TMEFF2: variants seen among roughly 807,000 people sequenced by gnomAD.
TMEFF2 encodes tomoregulin-2.
In TMEFF2, 28 loss-of-function variants were observed where a neutral mutation model predicts 53.8. That is an observed-to-expected ratio of 0.52 (90% CI 0.39 to 0.71). The LOEUF is 0.71. Ranked by LOEUF, TMEFF2 falls within the 30% of genes least tolerant of loss-of-function variation. The pLI is 0.00. For synonymous variants in TMEFF2, 162 were observed against 166.3 expected (o/e 0.97, Z 0.20); for missense variants, 353 against 455.2 (o/e 0.78, Z 2.04).
chr2:192,036,952 T>A (rs545082331), intron 5 of TMEFF2: 28 of 152,314 alleles, frequency 1.8e-4, no homozygotes, highest in African/African-American at 6.3e-4. Context: ...AAGGATGTCG[T>A]CTGCTTGCTT....
chr2:192,174,307 T>C (rs954003416), intron 4 of TMEFF2, among the ~76,000 whole-genome samples: 3 of 151,800 alleles, frequency 2.0e-5, no homozygotes, highest in African/African-American at 7.2e-5. Flanking sequence ...AAAAAAGTTA[T>C]TTTTATTTGT....
chr2:192,134,242 T>C lies in TMEFF2; in HGVS notation c.439+45426A>G, dbSNP rs551705777. ...TCTTCGTTAAGTCCCACAATTACCA[T>C]TGTTCCTGGCCCGGACTTCAATACA... On this transcript the variant is annotated intron_variant, in intron 4 of 9. Coordinates refer to ENST00000272771, the MANE Select transcript of TMEFF2 (RefSeq NM_016192.4). 3.9e-5 allele frequency among the ~76,000 whole-genome samples: 6 copies of C among 152,324 alleles called. No homozygotes were observed. The South Asian group carries it at 1.0e-3, about 26-fold the overall frequency.
At chr2:191,982,709 AT>A (rs1421049873) in intron 7 of TMEFF2, among the ~76,000 whole-genome samples, 9 of 152,082 alleles carry the variant, frequency 5.9e-5, no homozygotes, top group Non-Finnish European at 1.3e-4. Flanking sequence ...GCTACATCAT[AT>A]TTTTCTATCA....
chr2:192,065,599 GT>G (rs1192049733), intron 4 of TMEFF2, among the ~76,000 whole-genome samples: 1 of 151,380 alleles, frequency 6.6e-6, no homozygotes, highest in South Asian at 2.1e-4. Flanking sequence ...AGTGGTCTGT[GT>G]TTTTTTCTTA....
intron 4 of TMEFF2, among the ~76,000 whole-genome samples, chr2:192,111,594 A>C (rs1350699206): frequency 6.6e-6 from 1 of 152,232 alleles, no homozygotes; most frequent in Non-Finnish European, 1.5e-5. Flanking sequence ...GAAGAAAGAA[A>C]AACCCATTTT....
At chr2:192,080,532 G>C (rs536751598) in intron 4 of TMEFF2, among the ~76,000 whole-genome samples, 1 of 152,284 alleles carries the variant, frequency 6.6e-6, no homozygotes, top group African/African-American at 2.4e-5. Flanking sequence ...GTCTCAGGCA[G>C]TTCTTTATAG....
At chr2:192,138,475 G>A (rs1328524593) in intron 4 of TMEFF2, among the ~76,000 whole-genome samples, 4 of 152,156 alleles carry the variant, frequency 2.6e-5, no homozygotes, top group Non-Finnish European at 5.9e-5. Context: ...CACCTCCAAA[G>A]CTTCTCACCC....
At chr2:192,081,800 C>CT (rs900552541) in intron 4 of TMEFF2, among the ~76,000 whole-genome samples, 3,434 of 130,294 alleles carry the variant, frequency 0.026, 56 homozygotes, top group Middle Eastern at 0.036. Context: ...AACGATTTCC[C>CT]TTTTTTTTTT....
intron 1 of TMEFF2, among the ~76,000 whole-genome samples, chr2:192,193,781 G>T (rs984987470): frequency 1.2e-4 from 18 of 149,202 alleles, no homozygotes; most frequent in African/African-American, 4.2e-4. Flanking sequence ...GAGAGAGAGA[G>T]AGAGAGAGAG....
chr2:192,089,477 G>A (rs1225488064), intron 4 of TMEFF2, among the ~76,000 whole-genome samples: 1 of 151,912 alleles, frequency 6.6e-6, no homozygotes, highest in Non-Finnish European at 1.5e-5. Context: ...CTTTTTGAGT[G>A]GGTCTTAAAG....
intron 5 of TMEFF2, among the ~76,000 whole-genome samples, chr2:192,048,785 A>C (rs1356809615): frequency 6.6e-6 from 1 of 152,216 alleles, no homozygotes; most frequent in Non-Finnish European, 1.5e-5. Flanking sequence ...CAGGGTTGCC[A>C]CTGCCACTGC....
chr2:191,964,305 T>G (rs1427441776), intron 7 of TMEFF2, among the ~76,000 whole-genome samples: 1 of 148,382 alleles, frequency 6.7e-6, no homozygotes, highest in East Asian at 1.9e-4. Flanking sequence ...CCTTCTTTCC[T>G]TCTTTCTTTC....
chr2:192,116,439 T>A (rs1353405882), intron 4 of TMEFF2, among the ~76,000 whole-genome samples: 1 of 151,896 alleles, frequency 6.6e-6, no homozygotes, highest in East Asian at 1.9e-4. Context: ...AATAATGTAT[T>A]GTATACGTGA....
At chr2:192,006,488 G>C (rs924655460) in intron 5 of TMEFF2, among the ~76,000 whole-genome samples, 3 of 152,156 alleles carry the variant, frequency 2.0e-5, no homozygotes, top group African/African-American at 7.2e-5. Flanking sequence ...GACAGATGGA[G>C]AATGTGACTA....
At chr2:192,188,849 A>G (rs948758490) in intron 2 of TMEFF2, among the ~76,000 whole-genome samples, 2 of 148,258 alleles carry the variant, frequency 1.3e-5, no homozygotes, top group Admixed American at 6.8e-5. Flanking sequence ...CTATCTATCT[A>G]TCTATCTATC....
chr2:192,152,653 G>A (rs1690416230), intron 4 of TMEFF2, among the ~76,000 whole-genome samples: 1 of 151,890 alleles, frequency 6.6e-6, no homozygotes, highest in Non-Finnish European at 1.5e-5. Flanking sequence ...TAATAAAAGT[G>A]AGCACAGATT....
chr2:192,065,615 G>T (rs1688151178), intron 4 of TMEFF2, among the ~76,000 whole-genome samples: 1 of 151,298 alleles, frequency 6.6e-6, no homozygotes, highest in Admixed American at 6.6e-5. Context: ...TTCTTAAATA[G>T]GTAACAAAAT....
intron 4 of TMEFF2, among the ~76,000 whole-genome samples, chr2:192,075,302 T>TAAATAAATAA (rs1258473625): frequency 5.3e-5 from 2 of 38,088 alleles, no homozygotes; most frequent in African/African-American, 1.6e-4. Flanking sequence ...TATATATATA[T>TAAATAAATAA]ATATATATAT....
intron 4 of TMEFF2, among the ~76,000 whole-genome samples, chr2:192,156,287 C>T (rs777107039): frequency 1.9e-4 from 29 of 151,816 alleles, no homozygotes; most frequent in Admixed American, 1.3e-3. Context: ...TTATATGTAC[C>T]GGATACTGTT....
Sources: gnomAD v4.1 joint callset for allele counts (sites outside exome capture counted in the v4.1 genomes callset) on GRCh38, gnomAD v4.1.1 for gene constraint, MANE v1.5 for transcripts, NCBI Gene and HGNC (gene_info 2026-07-23, HGNC 2026-07-21) for gene names.